The following RPS6KA5 variants were observed in gnomAD, a reference collection of about 807,000 sequenced individuals.
RPS6KA5 encodes the protein ribosomal protein S6 kinase A5.
Under a neutral mutation model 85.5 loss-of-function variants are expected in RPS6KA5, and 27 were observed. That is an observed-to-expected ratio of 0.32 (90% confidence interval 0.23 to 0.44). The LOEUF is 0.44. RPS6KA5 is among the 20% of genes least tolerant of loss of function. RPS6KA5 has a pLI of 1.00. For synonymous variants in RPS6KA5, 334 were observed against 348.2 expected (o/e 0.96, Z 0.46); for missense variants, 811 against 980.9 (o/e 0.83, Z 2.31).
At position 90,906,235 on chromosome 14, in the gene RPS6KA5, G is replaced by GA. The variant is rs1389453669; in HGVS notation, c.870dup (p.Gln291SerfsTer18). 3.7e-6 allele frequency: 6 copies of GA among 1,612,394 alleles called. No homozygotes were observed. The highest frequency in any genetic ancestry group is 5.1e-6 in the Non-Finnish European group (6 of 1,178,824). On this transcript the variant is annotated frameshift_variant, in exon 8 of 17. Coordinates refer to ENST00000614987, the MANE Select transcript of RPS6KA5 (RefSeq NM_004755.4). LOFTEE classifies it high-confidence loss of function. ...TTGGGATCTTTCATCAAAAGACGCT[G>GA]AATTAGGTCTTTCGCTAAAGCACTC... is the stretch of plus-strand genomic sequence containing the variant.
chr14:90,894,230 CAA>C, intron 13 of RPS6KA5, 181 bp downstream of exon 13: 1 of 1,232,960 alleles, frequency 8.1e-7, no homozygotes, highest in Non-Finnish European at 1.0e-6. Flanking sequence ...TAAACAAAGA[CAA>C]ATTTATTTTA....
intron 1 of RPS6KA5, among the ~76,000 whole-genome samples, chr14:91,042,905 A>G (rs375485017): frequency 3.1e-4 from 47 of 152,162 alleles, no homozygotes; most frequent in African/African-American, 1.1e-3. Flanking sequence ...AAACAAGGAC[A>G]CAACAAATAA....
chr14:90,980,628 A>G (rs1161925868), intron 2 of RPS6KA5, among the ~76,000 whole-genome samples: 1 of 152,190 alleles, frequency 6.6e-6, no homozygotes, highest in Non-Finnish European at 1.5e-5. Context: ...TGAAGTATAG[A>G]AGAGTTGGGT....
intron 3 of RPS6KA5, among the ~76,000 whole-genome samples, chr14:90,954,988 T>C (rs1339678596): frequency 1.3e-5 from 2 of 152,224 alleles, no homozygotes; most frequent in Admixed American, 6.5e-5. Flanking sequence ...TCTTTTTTCC[T>C]GGTCAGTCTA....
At chr14:90,996,907 A>G (rs2040548687) in intron 2 of RPS6KA5, among the ~76,000 whole-genome samples, 1 of 152,214 alleles carries the variant, frequency 6.6e-6, no homozygotes, top group Non-Finnish European at 1.5e-5. Flanking sequence ...TAACCCACTA[A>G]GAAAATTTGT....
intron 9 of RPS6KA5, among the ~76,000 whole-genome samples, chr14:90,901,034 G>T (rs1359524442): frequency 6.6e-6 from 1 of 152,044 alleles, no homozygotes; most frequent in African/African-American, 2.4e-5. Context: ...AAATTCTCCT[G>T]GTTTGCTGAT....
At chr14:90,880,750 T>C (rs1473233807) in intron 14 of RPS6KA5, among the ~76,000 whole-genome samples, 1 of 152,210 alleles carries the variant, frequency 6.6e-6, no homozygotes, top group African/African-American at 2.4e-5. Context: ...GTACAAGTGT[T>C]TGTAATTATT....
At chr14:90,946,820 T>C (rs1595296535) in intron 4 of RPS6KA5, among the ~76,000 whole-genome samples, 2 of 152,208 alleles carry the variant, frequency 1.3e-5, no homozygotes, top group African/African-American at 4.8e-5. Flanking sequence ...AGATTAATGG[T>C]TATCTGCAAT....
At chr14:90,997,405 CG>C (rs1214009101) in intron 2 of RPS6KA5, among the ~76,000 whole-genome samples, 1 of 152,110 alleles carries the variant, frequency 6.6e-6, no homozygotes, top group Non-Finnish European at 1.5e-5. Flanking sequence ...TTTAGAGAGA[CG>C]GTCTTGCTCT....
Position 90,860,814 on chromosome 14 carries a change from G to C in RPS6KA5, c.*11260C>G, listed in dbSNP as rs2032503489. The C allele has an allele frequency of 6.6e-6, 1 of 151,250 alleles. No individual in the cohort carries two copies. Among genetic ancestry groups the C allele is most frequent in the Admixed American group, 6.6e-5 (1 of 15,196 alleles). 9.4% of individuals were successfully genotyped at this position (151,250 alleles called of 1,614,324 possible). A position where few individuals can be genotyped will look rare whatever the true frequency, so the allele number is the denominator to read the frequency against. ...AGATGAAGAAAAGTAATCCCAGATG[G>C]AAGTAAAAAAGGCAGGATGGAAAGA... On this transcript the variant is annotated 3_prime_UTR_variant, in exon 17 of 17. Transcript: ENST00000614987.
At chr14:90,989,959 T>G (rs184578294) in intron 2 of RPS6KA5, among the ~76,000 whole-genome samples, 43 of 152,248 alleles carry the variant, frequency 2.8e-4, no homozygotes, top group African/African-American at 9.4e-4. Context: ...GAAGGAAAAT[T>G]CAGAGAACAA....
At chr14:90,977,870 T>C (rs929774406) in intron 3 of RPS6KA5, among the ~76,000 whole-genome samples, 2 of 152,068 alleles carry the variant, frequency 1.3e-5, no homozygotes, top group African/African-American at 4.8e-5. Context: ...GGCTGGCCAA[T>C]ATGGCAAAAC....
At chr14:90,999,516 G>A (rs1432121214) in intron 2 of RPS6KA5, among the ~76,000 whole-genome samples, 1 of 152,150 alleles carries the variant, frequency 6.6e-6, no homozygotes, top group Non-Finnish European at 1.5e-5. Context: ...GGAGGAGGGG[G>A]AGGGGAAGAG....
intron 12 of RPS6KA5, among the ~76,000 whole-genome samples, chr14:90,896,364 T>C (rs911371575): frequency 1.3e-5 from 2 of 152,332 alleles, no homozygotes; most frequent in Admixed American, 6.5e-5. Flanking sequence ...AGGATCCTTA[T>C]CAATAAAATG....
intron 3 of RPS6KA5, among the ~76,000 whole-genome samples, chr14:90,967,678 G>A (rs2039137150): frequency 1.3e-5 from 2 of 152,146 alleles, no homozygotes; most frequent in South Asian, 4.1e-4. Context: ...TAAAATTGCA[G>A]AGATATCTGG....
intron 5 of RPS6KA5, among the ~76,000 whole-genome samples, chr14:90,923,820 T>C (rs1377377173): frequency 6.6e-6 from 1 of 152,170 alleles, no homozygotes; most frequent in Non-Finnish European, 1.5e-5. Context: ...TAAAGATAGA[T>C]GTTTCCTTTT....
intron 3 of RPS6KA5, among the ~76,000 whole-genome samples, chr14:90,973,515 TC>T (rs891447387): frequency 7.2e-5 from 11 of 151,762 alleles, no homozygotes; most frequent in African/African-American, 2.7e-4. Context: ...ACAGGTTTTT[TC>T]CCCCAAACAA....
At chr14:90,876,897 A>C (rs2033517624) in intron 14 of RPS6KA5, among the ~76,000 whole-genome samples, 1 of 152,218 alleles carries the variant, frequency 6.6e-6, no homozygotes, top group Admixed American at 6.5e-5. Context: ...CACGTTTCTG[A>C]CAAGTAGGCT....
At chr14:90,955,954 G>A (rs1028125811) in intron 3 of RPS6KA5, among the ~76,000 whole-genome samples, 1 of 152,112 alleles carries the variant, frequency 6.6e-6, no homozygotes, top group African/African-American at 2.4e-5. Flanking sequence ...TGCATCCACT[G>A]ATTCAACCAA....
Sources: gnomAD v4.1 joint callset for allele counts (sites outside exome capture counted in the v4.1 genomes callset) on GRCh38, gnomAD v4.1.1 for gene constraint, MANE v1.5 for transcripts, NCBI Gene and HGNC (gene_info 2026-07-23, HGNC 2026-07-21) for gene names.